The following NKAIN3 variants were observed in gnomAD, a reference collection of about 807,000 sequenced individuals.
The protein encoded by NKAIN3 is sodium/potassium-transporting ATPase subunit beta-1-interacting protein 3.
In NKAIN3, 25 loss-of-function variants were observed where a neutral mutation model predicts 30.2. The ratio of observed to expected loss-of-function variants is 0.83; its 90% confidence interval spans 0.60 to 1.16. NKAIN3 has a LOEUF of 1.16. Among genes scored for constraint, NKAIN3 ranks in the 50% most tolerant of loss-of-function variants. The pLI is 0.00. For synonymous variants in NKAIN3, 91 were observed against 89.6 expected, an observed-to-expected ratio of 1.02 and a Z score of -0.09; for missense variants, 225 against 254.1, an observed-to-expected ratio of 0.89 and a Z score of 0.78.
chr8:62,286,783 T>G (rs1375643632), intron 1 of NKAIN3, among the ~76,000 whole-genome samples: 1 of 152,052 alleles, frequency 6.6e-6, no homozygotes. Context: ...GCCAGTTCAT[T>G]TCAGCATAAG....
intron 3 of NKAIN3, among the ~76,000 whole-genome samples, chr8:62,594,293 T>G (rs1188173483): frequency 6.6e-6 from 1 of 152,028 alleles, no homozygotes; most frequent in East Asian, 1.9e-4. Flanking sequence ...TACCACCTTA[T>G]AGACAAGAAT....
rs148924188 is a variant in NKAIN3, at chr8:62,377,456, G to A, written c.54+128329G>A. On this transcript the variant is annotated intron_variant, in intron 1 of 6. Coordinates refer to ENST00000623646, the MANE Select transcript of NKAIN3 (RefSeq NM_001304533.3). ...AAGGTGAAGTTTCAGTCATTTTCAAGTATATGAATAGCATTAATGCACTAA... is the reference window on the plus strand; with the variant it reads ...AAGGTGAAGTTTCAGTCATTTTCAAATATATGAATAGCATTAATGCACTAA... Among the ~76,000 whole-genome samples, 309 of 152,278 alleles carry A rather than the reference G, an allele frequency of 2.0e-3. 1 individual carries two copies. Among genetic ancestry groups the A allele is most frequent in the African/African-American group, 7.0e-3 (292 of 41,560 alleles).
chr8:62,447,213 A>C (rs1455132421), intron 1 of NKAIN3, among the ~76,000 whole-genome samples: 1 of 152,040 alleles, frequency 6.6e-6, no homozygotes, highest in African/African-American at 2.4e-5. Flanking sequence ...TGGCCACCTT[A>C]TCCCTTTGAA....
Position 62,817,428 on chromosome 8 carries a change from T to C in NKAIN3, c.471+70299T>C, listed in dbSNP as rs573585316. On this transcript the variant is annotated intron_variant, in intron 4 of 6. Coordinates refer to ENST00000623646, the MANE Select transcript of NKAIN3 (RefSeq NM_001304533.3). ...TGGGAAGTTTTAGTTTTTCCCTCTT[T>C]TTCCTCCCAGATTCACCTTCTTCTG... Among the ~76,000 whole-genome samples the C allele has an allele frequency of 2.0e-5, 3 of 152,276 alleles. No homozygotes were observed. The South Asian group carries it at 6.2e-4, about 32-fold the overall frequency.
intron 1 of NKAIN3, among the ~76,000 whole-genome samples, chr8:62,532,401 AC>A (rs1808516090): frequency 8.1e-6 from 1 of 123,312 alleles, no homozygotes; most frequent in African/African-American, 3.2e-5. Context: ...TAACGTCTAT[AC>A]TTGTCCTGAA....
At chr8:62,544,622 C>G (rs1440620082) in intron 1 of NKAIN3, among the ~76,000 whole-genome samples, 1 of 152,114 alleles carries the variant, frequency 6.6e-6, no homozygotes, top group African/African-American at 2.4e-5. Context: ...CCTTTCAGCC[C>G]TATTATCCCC....
At chr8:62,869,143 A>G (rs1820511914) in intron 4 of NKAIN3, among the ~76,000 whole-genome samples, 1 of 152,202 alleles carries the variant, frequency 6.6e-6, no homozygotes, top group South Asian at 2.1e-4. Flanking sequence ...AGGCATTTGT[A>G]ACTTTTTTTA....
intron 4 of NKAIN3, among the ~76,000 whole-genome samples, chr8:62,827,640 A>C (rs1819067429): frequency 6.6e-6 from 1 of 152,186 alleles, no homozygotes; most frequent in African/African-American, 2.4e-5. Context: ...TCTCTATCAC[A>C]TGAATATGGT....
At chr8:62,301,947 C>T (rs1439100621) in intron 1 of NKAIN3, among the ~76,000 whole-genome samples, 1 of 152,062 alleles carries the variant, frequency 6.6e-6, no homozygotes, top group East Asian at 1.9e-4. Flanking sequence ...TATCTTACCA[C>T]CTGTACCATT....
At chr8:62,759,041 A>G (rs953736982) in intron 4 of NKAIN3, among the ~76,000 whole-genome samples, 2 of 152,190 alleles carry the variant, frequency 1.3e-5, no homozygotes, top group African/African-American at 4.8e-5. Flanking sequence ...ATAGTTAATC[A>G]CACTCTTTTT....
chr8:62,875,186 C>T (rs1210567975), intron 4 of NKAIN3, among the ~76,000 whole-genome samples: 1 of 152,048 alleles, frequency 6.6e-6, no homozygotes, highest in Admixed American at 6.6e-5. Context: ...CAACAATAGG[C>T]AAGCAGAGAG....
intron 1 of NKAIN3, among the ~76,000 whole-genome samples, chr8:62,281,778 G>C (rs1813203387): frequency 6.6e-6 from 1 of 152,012 alleles, no homozygotes; most frequent in African/African-American, 2.4e-5. Flanking sequence ...ACTTATGCAT[G>C]TTTGTCATCC....
intron 4 of NKAIN3, chr8:62,863,423 T>C: frequency 2.6e-6 from 4 of 1,551,972 alleles, no homozygotes; most frequent in Non-Finnish European, 3.5e-6. Flanking sequence ...TCAGTATGAG[T>C]AATCTTGGTC....
At chr8:62,582,035 CCCAT>C (rs1810317649) in intron 2 of NKAIN3, among the ~76,000 whole-genome samples, 2 of 146,286 alleles carry the variant, frequency 1.4e-5, no homozygotes, top group African/African-American at 5.1e-5. Context: ...CTCCCTCCCA[CCCAT>C]CCTCACTCCC....
intron 1 of NKAIN3, among the ~76,000 whole-genome samples, chr8:62,461,650 A>C (rs1410284759): frequency 4.6e-5 from 7 of 152,236 alleles, no homozygotes. Flanking sequence ...AAAAATAGAA[A>C]TTCTGAAGTT....
intron 1 of NKAIN3, among the ~76,000 whole-genome samples, chr8:62,403,492 T>G (rs907342668): frequency 6.6e-6 from 1 of 152,156 alleles, no homozygotes; most frequent in African/African-American, 2.4e-5. Flanking sequence ...ACCTCAGGAC[T>G]TGGAGCCCTT....
At chr8:62,964,537 AGTGTGT>A (rs56313500) in intron 6 of NKAIN3, among the ~76,000 whole-genome samples, 6,089 of 133,130 alleles carry the variant, frequency 0.046, 151 homozygotes, top group Middle Eastern at 0.066. Context: ...AGAGAGAGAG[AGTGTGT>A]GTGTGTGTGT....
At chr8:62,442,023 G>C (rs1365972715) in intron 1 of NKAIN3, among the ~76,000 whole-genome samples, 1 of 151,904 alleles carries the variant, frequency 6.6e-6, no homozygotes, top group Non-Finnish European at 1.5e-5. Context: ...GACTTGTATT[G>C]ATAGATGTTC....
rs1480478679 is a variant in NKAIN3, at chr8:62,628,038, C to T, written c.273+38244C>T. Among the ~76,000 whole-genome samples the T allele has an allele frequency of 3.9e-5, 6 of 152,220 alleles. No homozygotes were observed. In the East Asian group the frequency reaches 1.2e-3, roughly 29 times the overall value. On this transcript the variant is annotated intron_variant, in intron 3 of 6. Coordinates refer to ENST00000623646, the MANE Select transcript of NKAIN3 (RefSeq NM_001304533.3). ...CAGCCACCCAGATCTGTCAAGGTAT[C>T]TTGCCATCGGAAGCACTATGGGAGA...
Sources: gnomAD v4.1 joint callset for allele counts (sites outside exome capture counted in the v4.1 genomes callset) on GRCh38, gnomAD v4.1.1 for gene constraint, MANE v1.5 for transcripts, NCBI Gene and HGNC (gene_info 2026-07-23, HGNC 2026-07-21) for gene names.